Variants in CREB5 observed in about 807,000 individuals in gnomAD.
CREB5 encodes the protein cAMP responsive element binding protein 5.
Under a neutral mutation model 57.1 loss-of-function variants are expected in CREB5, and 19 were observed. The ratio of observed to expected loss-of-function variants is 0.33; its 90% confidence interval spans 0.23 to 0.49. The LOEUF is 0.49. Ranked by LOEUF, CREB5 falls within the 20% of genes least tolerant of loss-of-function variation. The pLI, the probability that CREB5 is intolerant of heterozygous loss-of-function variation, is 0.99. For synonymous variants in CREB5, 238 were observed against 238.3 expected, an observed-to-expected ratio of 1.00 and a Z score of 0.01; for missense variants, 579 against 671.6, an observed-to-expected ratio of 0.86 and a Z score of 1.52.
chr7:28,444,724 A>C (rs1460924588), intron 1 of CREB5, among the ~76,000 whole-genome samples: 2 of 152,166 alleles, frequency 1.3e-5, no homozygotes, highest in Non-Finnish European at 2.9e-5. Context: ...ACCTGAAGCT[A>C]TTGGCTCTGT....
intron 1 of CREB5, among the ~76,000 whole-genome samples, chr7:28,459,821 G>A (rs907278047): frequency 1.1e-4 from 16 of 152,294 alleles, no homozygotes; most frequent in African/African-American, 3.9e-4. Context: ...TGTTTTGTAT[G>A]TTTCTGGCGC....
At chr7:28,658,969 A>ATATATATATGTG (rs1562554672) in intron 5 of CREB5, among the ~76,000 whole-genome samples, 1 of 140,650 alleles carries the variant, frequency 7.1e-6, no homozygotes, top group Non-Finnish European at 1.6e-5. Context: ...ATATATATAT[A>ATATATATATGTG]TATATATATA....
At chr7:28,743,675 G>A (rs1044778188) in intron 7 of CREB5, among the ~76,000 whole-genome samples, 1 of 152,008 alleles carries the variant, frequency 6.6e-6, no homozygotes, top group South Asian at 2.1e-4. Context: ...ATTCTGGAGG[G>A]TGGAAGTCCA....
chr7:28,421,923 T>C (rs111557749), intron 1 of CREB5, among the ~76,000 whole-genome samples: 2 of 35,348 alleles, frequency 5.7e-5, no homozygotes, highest in African/African-American at 1.0e-4. Context: ...TGTATGTGTG[T>C]GTATGTGTAT....
At chr7:28,732,090 C>G (rs1335740733) in intron 7 of CREB5, among the ~76,000 whole-genome samples, 1 of 152,150 alleles carries the variant, frequency 6.6e-6, no homozygotes, top group East Asian at 1.9e-4. Flanking sequence ...CCACTGCTCA[C>G]ACAAGCACAG....
chr7:28,497,312 G>C (rs1792098573), intron 3 of CREB5, among the ~76,000 whole-genome samples: 1 of 152,146 alleles, frequency 6.6e-6, no homozygotes, highest in Non-Finnish European at 1.5e-5. Flanking sequence ...CAGGTTTTTT[G>C]GGTTAATCTC....
intron 1 of CREB5, among the ~76,000 whole-genome samples, chr7:28,405,709 G>C (rs553382389): frequency 6.6e-6 from 1 of 152,152 alleles, no homozygotes; most frequent in African/African-American, 2.4e-5. Context: ...GAGCCACTGC[G>C]CCTGGCCTTG....
intron 5 of CREB5, among the ~76,000 whole-genome samples, chr7:28,671,440 T>A (rs775622576): frequency 2.0e-4 from 31 of 152,144 alleles, no homozygotes; most frequent in Non-Finnish European, 3.5e-4. Flanking sequence ...GTAACTTGGG[T>A]GACTCTTAGA....
chr7:28,783,850 A>C (rs1294384058), intron 7 of CREB5, among the ~76,000 whole-genome samples: 1 of 152,206 alleles, frequency 6.6e-6, no homozygotes, highest in Non-Finnish European at 1.5e-5. Context: ...TAAACTTCTC[A>C]TAGATTTTCT....
chr7:28,560,855 T>TGCGTGCGCGCGTGCGTGCGCGTGC (rs1554344299), intron 4 of CREB5, among the ~76,000 whole-genome samples: 7 of 56,388 alleles, frequency 1.2e-4, no homozygotes, highest in Non-Finnish European at 2.5e-4. Context: ...CGCGTGTGTG[T>TGCGTGCGCGCGTGCGTGCGCGTGC]GTGCGTGTGC....
intron 5 of CREB5, among the ~76,000 whole-genome samples, chr7:28,622,117 G>A (rs933172337): frequency 6.6e-6 from 1 of 152,138 alleles, no homozygotes; most frequent in African/African-American, 2.4e-5. Flanking sequence ...AGTGTGCCAG[G>A]TTTGAGATAG....
rs899237599 is a variant in CREB5, at chr7:28,488,916, T to TTGC, written c.75+684_75+686dup. On this transcript the variant is annotated intron_variant, in intron 2 of 10. Transcript: ENST00000357727. ...TTATTGTCCACTGTTGTTACTACTATTGCTGCTGCTGCTGCTACTATTATT... is the reference window on the plus strand; with the variant it reads ...TTATTGTCCACTGTTGTTACTACTATTGCTGCTGCTGCTGCTGCTACTATTATT... Among the ~76,000 whole-genome samples, 22 of 152,308 alleles carry TTGC rather than the reference T, an allele frequency of 1.4e-4. No homozygotes were observed. In the Middle Eastern group the frequency reaches 0.01, roughly 71 times the overall value.
At chr7:28,740,393 CT>C (rs1804264979) in intron 7 of CREB5, among the ~76,000 whole-genome samples, 1 of 152,120 alleles carries the variant, frequency 6.6e-6, no homozygotes, top group African/African-American at 2.4e-5. Context: ...CTGGGAGTGT[CT>C]GCGAAGTGCA....
At chr7:28,489,717 C>A (rs1791719156) in intron 2 of CREB5, among the ~76,000 whole-genome samples, 2 of 152,214 alleles carry the variant, frequency 1.3e-5, no homozygotes, top group Non-Finnish European at 2.9e-5. Context: ...ACTAACTGAA[C>A]AACCAGAGTC....
intron 1 of CREB5, among the ~76,000 whole-genome samples, chr7:28,351,135 G>A (rs1786176479): frequency 6.6e-6 from 1 of 152,182 alleles, no homozygotes; most frequent in Non-Finnish European, 1.5e-5. Flanking sequence ...ATAAGTGGCT[G>A]GGATGGTAAG....
chr7:28,422,850 C>A (rs1788329005), intron 1 of CREB5, among the ~76,000 whole-genome samples: 1 of 152,118 alleles, frequency 6.6e-6, no homozygotes, highest in Admixed American at 6.5e-5. Context: ...ATAGCCCATA[C>A]CTAGACAACC....
At chr7:28,364,090 T>TC (rs751025776) in intron 1 of CREB5, among the ~76,000 whole-genome samples, 2 of 152,214 alleles carry the variant, frequency 1.3e-5, no homozygotes, top group Non-Finnish European at 2.9e-5. Context: ...CTCTAAAATT[T>TC]CATCTCAAGT....
At chr7:28,352,124 CATT>C (rs1786202063) in intron 1 of CREB5, among the ~76,000 whole-genome samples, 2 of 152,150 alleles carry the variant, frequency 1.3e-5, no homozygotes, top group African/African-American at 4.8e-5. Context: ...TATAATAAAA[CATT>C]ATTCTGATCA....
chr7:28,595,874 T>C (rs543528354), intron 5 of CREB5, among the ~76,000 whole-genome samples: 3 of 152,210 alleles, frequency 2.0e-5, no homozygotes, highest in Non-Finnish European at 4.4e-5. Context: ...CTACCCCAGT[T>C]GAAGTTCTCT....
Sources: gnomAD v4.1 joint callset for allele counts (sites outside exome capture counted in the v4.1 genomes callset) on GRCh38, gnomAD v4.1.1 for gene constraint, MANE v1.5 for transcripts, NCBI Gene and HGNC (gene_info 2026-07-23, HGNC 2026-07-21) for gene names.